PARVB: variants seen among roughly 807,000 people sequenced by gnomAD.
PARVB encodes the protein beta-parvin.
A neutral mutation model predicts 47.0 loss-of-function variants in PARVB; 46 were observed. The ratio of observed to expected loss-of-function variants is 0.98; its 90% CI spans 0.77 to 1.25. The LOEUF (loss-of-function observed/expected upper bound fraction) is 1.25. Ranked by LOEUF, PARVB falls within the 50% of genes most tolerant of loss-of-function variation. The probability of loss-of-function intolerance (pLI) is 0.00; values close to 1 mark genes in which losing one functional copy is unlikely to be tolerated. For missense variants in PARVB, 473 were observed against 471.6 expected, an observed-to-expected ratio of 1.00 and a Z score of -0.03; for synonymous variants, 196 against 196.3, an observed-to-expected ratio of 1.00 and a Z score of 0.01.
At chr22:44,054,341 A>G (rs1187594164) in intron 1 of PARVB, among the ~76,000 whole-genome samples, 1 of 152,142 alleles carries the variant, frequency 6.6e-6, no homozygotes, top group Non-Finnish European at 1.5e-5. Context: ...CAGCCTCCCT[A>G]GTAGCAGGCA....
intron 2 of PARVB, among the ~76,000 whole-genome samples, chr22:44,006,797 G>A (rs2050470266): frequency 6.6e-6 from 1 of 152,146 alleles, no homozygotes; most frequent in Non-Finnish European, 1.5e-5. Flanking sequence ...AGGTAACTCA[G>A]CTCCCACCTG....
Position 44,047,199 on chromosome 22 carries a change from C to T in PARVB, c.112+22748C>T, listed in dbSNP as rs149889509. Among the ~76,000 whole-genome samples the T allele has an allele frequency of 2.1e-4, 32 of 152,224 alleles. No individual in the cohort carries two copies. The East Asian group carries it at 5.0e-3, about 24-fold the overall frequency. On this transcript the variant is annotated intron_variant, in intron 1 of 12. Coordinates refer to ENST00000338758, the MANE Select transcript of PARVB (RefSeq NM_013327.5). Reference sequence around the variant, plus strand: ...TTGGCTCCTGTTTCTGCAGGCTGTACGTGGCACTGGCATCTGGTTCTGGGG... The same window carrying T: ...TTGGCTCCTGTTTCTGCAGGCTGTATGTGGCACTGGCATCTGGTTCTGGGG...
At chr22:44,098,816 GTATTT>G (rs1244605959) in intron 2 of PARVB, among the ~76,000 whole-genome samples, 3 of 152,098 alleles carry the variant, frequency 2.0e-5, no homozygotes, top group African/African-American at 4.8e-5. Context: ...TCTTTCTTTT[GTATTT>G]TATTTTATTT....
intron 9 of PARVB, 43 bp downstream of exon 9, chr22:44,147,965 G>A (rs779930191): frequency 8.0e-5 from 124 of 1,542,744 alleles, no homozygotes; most frequent in Non-Finnish European, 1.0e-4. Flanking sequence ...CCCCTGGCTC[G>A]CGGCTTTTTG....
intron 1 of PARVB, among the ~76,000 whole-genome samples, chr22:44,087,977 C>G (rs944004642): frequency 1.3e-5 from 2 of 151,676 alleles, no homozygotes; most frequent in African/African-American, 4.9e-5. Flanking sequence ...TGGCTGCATG[C>G]TGGCGACTGT....
At chr22:44,073,525 C>T (rs1569092673) in intron 1 of PARVB, among the ~76,000 whole-genome samples, 1 of 152,158 alleles carries the variant, frequency 6.6e-6, no homozygotes. Flanking sequence ...ACGACCATAC[C>T]TGCTTTTCCA....
chr22:44,030,970 C>G (rs2050816560), intron 1 of PARVB, among the ~76,000 whole-genome samples: 1 of 152,078 alleles, frequency 6.6e-6, no homozygotes. Context: ...GGTGAGGGAC[C>G]AGGGCCATAG....
intron 4 of PARVB, among the ~76,000 whole-genome samples, chr22:44,121,713 A>C (rs117827792): frequency 6.6e-6 from 1 of 152,182 alleles, no homozygotes; most frequent in Non-Finnish European, 1.5e-5. Flanking sequence ...CTTTAAGCCA[A>C]AAGAGGTAGC....
intron 2 of PARVB, among the ~76,000 whole-genome samples, chr22:44,006,702 T>A (rs2050469107): frequency 6.6e-6 from 1 of 152,154 alleles, no homozygotes; most frequent in Non-Finnish European, 1.5e-5. Flanking sequence ...GATTCCCAGG[T>A]GGCCTGTGTG....
intron 2 of PARVB, among the ~76,000 whole-genome samples, chr22:44,013,465 A>G (rs1426884969): frequency 2.6e-5 from 4 of 152,292 alleles, no homozygotes; most frequent in African/African-American, 7.2e-5. Context: ...GCTGGTGCCC[A>G]TATGCAGGGG....
intron 1 of PARVB, among the ~76,000 whole-genome samples, chr22:44,053,381 CTGA>C (rs56948636): frequency 0.014 from 2,121 of 152,280 alleles, 40 homozygotes; most frequent in African/African-American, 0.041. Flanking sequence ...CGCGCCCAGC[CTGA>C]TGTTACATTT....
chr22:44,058,462 G>A (rs1214322386), intron 1 of PARVB, among the ~76,000 whole-genome samples: 1 of 151,870 alleles, frequency 6.6e-6, no homozygotes, highest in Non-Finnish European at 1.5e-5. Flanking sequence ...AGTCCAGTAT[G>A]ACCTCATCCG....
intron 1 of PARVB, among the ~76,000 whole-genome samples, chr22:44,076,000 C>T (rs1010655266): frequency 5.3e-5 from 8 of 152,226 alleles, no homozygotes; most frequent in South Asian, 2.1e-4. Flanking sequence ...AACTGATGGC[C>T]GTGGGGCAGG....
At chr22:44,094,090 C>A in intron 2 of PARVB, 73 bp downstream of exon 2, 1 of 819,222 alleles carries the variant, frequency 1.2e-6, no homozygotes, top group Non-Finnish European at 2.0e-6. Context: ...TTGGGGAGGC[C>A]AATGAGGAGC....
At chr22:44,100,695 G>C (rs1476312237) in intron 3 of PARVB, among the ~76,000 whole-genome samples, 2 of 152,142 alleles carry the variant, frequency 1.3e-5, no homozygotes, top group Non-Finnish European at 2.9e-5. Context: ...TTGGGCAGCG[G>C]CTGTCCTTCT....
intron 2 of PARVB, among the ~76,000 whole-genome samples, chr22:44,014,584 C>G (rs1447681818): frequency 6.6e-6 from 1 of 152,184 alleles, no homozygotes; most frequent in East Asian, 1.9e-4. Context: ...GAAAGTGGCA[C>G]TTTCCAATCT....
intron 1 of PARVB, among the ~76,000 whole-genome samples, chr22:44,072,204 C>G (rs1394990800): frequency 1.3e-5 from 2 of 152,192 alleles, no homozygotes; most frequent in Non-Finnish European, 2.9e-5. Flanking sequence ...CCCTCCCTAC[C>G]CTGTCCCCCT....
At chr22:44,099,226 G>T (rs923876810) in intron 2 of PARVB, among the ~76,000 whole-genome samples, 7 of 152,200 alleles carry the variant, frequency 4.6e-5, no homozygotes, top group African/African-American at 1.7e-4. Flanking sequence ...CCCGGAGCTG[G>T]ACAGTGTGGC....
intron 3 of PARVB, among the ~76,000 whole-genome samples, chr22:44,101,424 T>A (rs1009578533): frequency 5.1e-5 from 7 of 137,016 alleles, no homozygotes; most frequent in East Asian, 2.1e-4. Context: ...AAATAAAAAA[T>A]AAAAAATAAA....
Sources: gnomAD v4.1 joint callset for allele counts (sites outside exome capture counted in the v4.1 genomes callset) on GRCh38, gnomAD v4.1.1 for gene constraint, MANE v1.5 for transcripts, NCBI Gene and HGNC (gene_info 2026-07-23, HGNC 2026-07-21) for gene names.